Variants in LRRIQ3 observed in about 807,000 individuals in gnomAD.
LRRIQ3 encodes the protein leucine rich repeats and IQ motif containing 3.
In LRRIQ3, 75 loss-of-function variants were observed where a neutral mutation model predicts 59.3. That is an observed-to-expected ratio of 1.26 (90% confidence interval 1.05 to 1.53). The LOEUF is 1.53. Ranked by LOEUF, LRRIQ3 falls within the 40% of genes most tolerant of loss-of-function variation. The pLI, the probability that LRRIQ3 is intolerant of heterozygous loss-of-function variation, is 0.00. For missense variants in LRRIQ3, 831 were observed against 710.0 expected, an observed-to-expected ratio of 1.17 and a Z score of -1.94; for synonymous variants, 250 against 231.3, an observed-to-expected ratio of 1.08 and a Z score of -0.73.
chr1:74,119,585 T>C (rs1380660538), intron 4 of LRRIQ3, among the ~76,000 whole-genome samples: 1 of 152,164 alleles, frequency 6.6e-6, no homozygotes, highest in Non-Finnish European at 1.5e-5. Flanking sequence ...ATGTTTTAAC[T>C]CATCTGAAAT....
intron 5 of LRRIQ3, among the ~76,000 whole-genome samples, chr1:74,097,093 A>G (rs1026662791): frequency 6.6e-6 from 1 of 152,072 alleles, no homozygotes; most frequent in Admixed American, 6.6e-5. Context: ...AGGGACATTT[A>G]AGTCTGCCGA....
At chr1:74,068,476 CAT>C (rs144532036) in intron 6 of LRRIQ3, among the ~76,000 whole-genome samples, 6,031 of 152,094 alleles carry the variant, frequency 0.04, 144 homozygotes, top group South Asian at 0.13. Context: ...TACATAACTG[CAT>C]GGGAAGCTGG....
chr1:74,180,850 T>A, intron 3 of LRRIQ3: 1 of 1,504,894 alleles, frequency 6.6e-7, no homozygotes, highest in Non-Finnish European at 9.0e-7. Context: ...GCCTTCCCCA[T>A]CCACCCTAGC....
chr1:74,106,464 G>A (rs1646614770), intron 5 of LRRIQ3, among the ~76,000 whole-genome samples: 1 of 151,948 alleles, frequency 6.6e-6, no homozygotes, highest in Non-Finnish European at 1.5e-5. Context: ...TCCCATGGGT[G>A]TGAGTATCTC....
intron 6 of LRRIQ3, among the ~76,000 whole-genome samples, chr1:74,070,187 T>C (rs1340474): frequency 0.32 from 48,965 of 151,918 alleles, 8,402 homozygotes; most frequent in Middle Eastern, 0.45. Context: ...CACATGTTCA[T>C]TGCAGCACTA....
intron 5 of LRRIQ3, among the ~76,000 whole-genome samples, chr1:74,098,674 T>C (rs1000270640): frequency 1.3e-5 from 2 of 152,084 alleles, no homozygotes; most frequent in Non-Finnish European, 2.9e-5. Context: ...CCTCAGCAAA[T>C]GTAAAAGAAC....
At chr1:74,110,733 C>G (rs2100564144) in intron 4 of LRRIQ3, among the ~76,000 whole-genome samples, 1 of 152,150 alleles carries the variant, frequency 6.6e-6, no homozygotes, top group African/African-American at 2.4e-5. Context: ...CACCTATTTA[C>G]TCCTTCATTC....
intron 4 of LRRIQ3, among the ~76,000 whole-genome samples, chr1:74,125,818 T>G (rs570848148): frequency 1.2e-3 from 178 of 152,020 alleles, no homozygotes; most frequent in Non-Finnish European, 1.7e-3. Context: ...GTTTTCTGTT[T>G]TTGACCTGTC....
intron 5 of LRRIQ3, among the ~76,000 whole-genome samples, chr1:74,107,912 A>G (rs1416092076): frequency 6.6e-6 from 1 of 151,716 alleles, no homozygotes; most frequent in African/African-American, 2.4e-5. Flanking sequence ...GAATTATTCA[A>G]AATACAAGGG....
At chr1:74,086,497 G>A (rs1252520020) in intron 5 of LRRIQ3, among the ~76,000 whole-genome samples, 1 of 152,086 alleles carries the variant, frequency 6.6e-6, no homozygotes, top group Non-Finnish European at 1.5e-5. Context: ...AATTCCTAGT[G>A]CTATAACCAT....
chr1:74,072,561 G>A (rs191631785), intron 6 of LRRIQ3, among the ~76,000 whole-genome samples: 2 of 151,344 alleles, frequency 1.3e-5, no homozygotes, highest in African/African-American at 4.8e-5. Flanking sequence ...TTCATATTTG[G>A]GCTTGTGAAC....
At chr1:74,100,357 A>G (rs374509745) in intron 5 of LRRIQ3, among the ~76,000 whole-genome samples, 3 of 152,058 alleles carry the variant, frequency 2.0e-5, no homozygotes, top group African/African-American at 7.2e-5. Context: ...CAAGGGATGT[A>G]AAGGACCTCT....
At chr1:74,172,987 T>C (rs374824507) in intron 3 of LRRIQ3, among the ~76,000 whole-genome samples, 1 of 152,238 alleles carries the variant, frequency 6.6e-6, no homozygotes, top group African/African-American at 2.4e-5. Context: ...AGACAGCATA[T>C]AGTTGGGTCT....
At chr1:74,112,341 T>G (rs1438789964) in intron 4 of LRRIQ3, among the ~76,000 whole-genome samples, 2 of 152,082 alleles carry the variant, frequency 1.3e-5, no homozygotes, top group Non-Finnish European at 2.9e-5. Flanking sequence ...CAGTAGAGAT[T>G]ATGATGTTAA....
At chr1:74,193,744 G>A (rs1650920628) in intron 1 of LRRIQ3, among the ~76,000 whole-genome samples, 1 of 151,746 alleles carries the variant, frequency 6.6e-6, no homozygotes, top group Non-Finnish European at 1.5e-5. Context: ...TAGATTTGAT[G>A]GTCTACATGA....
At chr1:74,112,482 C>A (rs762246762) in intron 4 of LRRIQ3, among the ~76,000 whole-genome samples, 2 of 152,100 alleles carry the variant, frequency 1.3e-5, no homozygotes, top group Non-Finnish European at 2.9e-5. Flanking sequence ...CAAAAACTGG[C>A]CTCAAAGATT....
At chr1:74,132,031 T>A (rs1647030135) in intron 4 of LRRIQ3, among the ~76,000 whole-genome samples, 1 of 152,144 alleles carries the variant, frequency 6.6e-6, no homozygotes, top group East Asian at 1.9e-4. Context: ...CAGCAAAGTC[T>A]CAGGATACAA....
At chr1:74,195,322 C>G (rs1651040561) in intron 1 of LRRIQ3, among the ~76,000 whole-genome samples, 1 of 152,150 alleles carries the variant, frequency 6.6e-6, no homozygotes, top group Non-Finnish European at 1.5e-5. Context: ...ACAGCATGCA[C>G]TACGAGCTCC....
intron 2 of LRRIQ3, chr1:74,183,093 T>C: frequency 3.0e-6 from 1 of 336,242 alleles, no homozygotes; most frequent in South Asian, 8.5e-5. Flanking sequence ...TAACCATACT[T>C]TTTTGTTCAA....
Sources: allele counts gnomAD v4.1 joint callset (sites outside exome capture counted in the v4.1 genomes callset), GRCh38; gene constraint gnomAD v4.1.1; transcripts MANE v1.5; gene names NCBI Gene and HGNC (gene_info 2026-07-23, HGNC 2026-07-21).